CLINT1: variants seen among roughly 807,000 people sequenced by gnomAD.
CLINT1 encodes clathrin interacting protein localized in the trans-Golgi region.
CLINT1 carries 15 observed loss-of-function variants against 70.4 expected under a neutral mutation model. The ratio of observed to expected loss-of-function variants is 0.21; its 90% confidence interval spans 0.14 to 0.33. CLINT1 has a LOEUF of 0.33. Among genes scored for constraint, CLINT1 ranks in the 10% least tolerant of loss-of-function variants. The pLI, the probability that CLINT1 is intolerant of heterozygous loss-of-function variation, is 1.00. For synonymous variants in CLINT1, 227 were observed against 254.7 expected (o/e 0.89, Z 1.04); for missense variants, 615 against 778.1 (o/e 0.79, Z 2.49).
intron 9 of CLINT1, among the ~76,000 whole-genome samples, 177 bp downstream of exon 9, chr5:157,794,721 T>C (rs1762016441): frequency 6.6e-6 from 1 of 152,232 alleles, no homozygotes; most frequent in South Asian, 2.1e-4. Context: ...CCAAAATAAT[T>C]CATTTGGCAC....
Position 157,858,992 on chromosome 5 carries a change from C to T in CLINT1, c.-22G>A, listed in dbSNP as rs763083573. ...ACATCGTGCCCCGCGCGGGACGGTC[C>T]GCCGCCTCCCTCTCCTGCTCCCCAC... On this transcript the variant is annotated 5_prime_UTR_variant, in exon 1 of 12. Transcript: ENST00000411809. 1 of 1,610,250 alleles carries T rather than the reference C, an allele frequency of 6.2e-7. No individual in the cohort carries two copies. Among genetic ancestry groups the T allele is most frequent in the African/African-American group, 1.3e-5 (1 of 74,748 alleles).
intron 9 of CLINT1, among the ~76,000 whole-genome samples, chr5:157,793,361 T>C (rs575480289): frequency 1.3e-3 from 199 of 152,272 alleles, no homozygotes; most frequent in Non-Finnish European, 2.3e-3. Flanking sequence ...GAATGGAAAC[T>C]GGGGCAAAAT....
intron 10 of CLINT1, chr5:157,790,026 C>A (rs1489461823): frequency 2.9e-4 from 48 of 167,660 alleles, no homozygotes; most frequent in Non-Finnish European, 1.3e-4. Context: ...CAGGATGAAA[C>A]CCCATCTCTA....
intron 10 of CLINT1, chr5:157,790,162 C>T (rs755037804): frequency 2.5e-5 from 4 of 161,224 alleles, no homozygotes; most frequent in Admixed American, 1.8e-4. Context: ...GATCGTGCCA[C>T]TGCACTCCAG....
chr5:157,858,391 T>C (rs1159987209), intron 1 of CLINT1, among the ~76,000 whole-genome samples: 1 of 152,218 alleles, frequency 6.6e-6, no homozygotes, highest in Non-Finnish European at 1.5e-5. Flanking sequence ...TAGCCACTTG[T>C]TACACTACTA....
At chr5:157,821,442 T>G (rs1330416971) in intron 1 of CLINT1, among the ~76,000 whole-genome samples, 1 of 152,216 alleles carries the variant, frequency 6.6e-6, no homozygotes, top group East Asian at 1.9e-4. Context: ...AATGCTGCTG[T>G]TTCACAAGAG....
chr5:157,857,976 G>T (rs902777503), intron 1 of CLINT1, among the ~76,000 whole-genome samples: 1 of 152,222 alleles, frequency 6.6e-6, no homozygotes, highest in Non-Finnish European at 1.5e-5. Context: ...CCCAAAGGAA[G>T]AGGACTGCTT....
rs557653816 is a variant in CLINT1 at position 157,851,291 on chromosome 5, AATG to A, written c.41+7636_41+7638del. Among the ~76,000 whole-genome samples, 791 of 152,342 alleles carry A rather than the reference AATG, an allele frequency of 5.2e-3. 9 individuals are homozygous for A. The highest frequency in any genetic ancestry group is 0.017 in the African/African-American group (720 of 41,576). ...AAGCACGCATGTACGTTTACCACAT[AATG>A]ATGAGTGTGTGCAAAATTATAAAAG... On this transcript the variant is annotated intron_variant, in intron 1 of 11. Coordinates refer to ENST00000411809, the MANE Select transcript of CLINT1 (RefSeq NM_014666.4).
At chr5:157,830,022 G>C (rs532570979) in intron 1 of CLINT1, among the ~76,000 whole-genome samples, 1 of 147,726 alleles carries the variant, frequency 6.8e-6, no homozygotes, top group Admixed American at 6.6e-5. Flanking sequence ...GATGATGCCT[G>C]ACTACAGTCT....
intron 1 of CLINT1, among the ~76,000 whole-genome samples, chr5:157,840,633 T>C (rs1000024134): frequency 1.4e-4 from 21 of 151,262 alleles, no homozygotes; most frequent in African/African-American, 4.9e-4. Context: ...GGAGGGCGAA[T>C]GACAAGCAAA....
chr5:157,797,993 T>C (rs1762113526), intron 8 of CLINT1, among the ~76,000 whole-genome samples: 1 of 152,244 alleles, frequency 6.6e-6, no homozygotes, highest in Non-Finnish European at 1.5e-5. Context: ...CAAATAGAAG[T>C]TGTCTTTCTC....
chr5:157,850,796 TA>T (rs1170806685), intron 1 of CLINT1, among the ~76,000 whole-genome samples: 5 of 151,966 alleles, frequency 3.3e-5, no homozygotes, highest in African/African-American at 9.7e-5. Flanking sequence ...TTTTTAATAT[TA>T]AAAAAAATTT....
chr5:157,805,734 T>C (rs1561644788), intron 7 of CLINT1, 132 bp downstream of exon 7: 4 of 1,107,634 alleles, frequency 3.6e-6, no homozygotes, highest in Middle Eastern at 2.3e-4. Flanking sequence ...TAATGTCTCT[T>C]GGTAATACAT....
chr5:157,802,749 T>G (rs942147440), intron 8 of CLINT1, among the ~76,000 whole-genome samples: 5 of 152,148 alleles, frequency 3.3e-5, no homozygotes, highest in African/African-American at 9.7e-5. Context: ...TATCACCATG[T>G]TGGCCAGGCT....
At chr5:157,812,256 G>A (rs1018034319) in intron 5 of CLINT1, among the ~76,000 whole-genome samples, 5 of 152,130 alleles carry the variant, frequency 3.3e-5, no homozygotes, top group Non-Finnish European at 5.9e-5. Flanking sequence ...ACATATATGG[G>A]TGGGGGGAGC....
intron 10 of CLINT1, chr5:157,789,833 T>TG (rs1441238452): frequency 6.9e-6 from 3 of 437,364 alleles, no homozygotes; most frequent in Admixed American, 3.8e-5. Context: ...CCCTGGCAAA[T>TG]GCCCAGGGGA....
At chr5:157,790,588 T>C (rs924958574) in intron 10 of CLINT1, 31 of 453,352 alleles carry the variant, frequency 6.8e-5, no homozygotes, top group Non-Finnish European at 1.2e-4. Context: ...TTCTGTTACA[T>C]AGAGCAGTCA....
At chr5:157,831,629 T>C (rs1432768272) in intron 1 of CLINT1, among the ~76,000 whole-genome samples, 2 of 152,010 alleles carry the variant, frequency 1.3e-5, no homozygotes, top group Non-Finnish European at 2.9e-5. Context: ...CAATTAAATA[T>C]GTATAGGATA....
chr5:157,857,766 TG>T (rs1753804714), intron 1 of CLINT1, among the ~76,000 whole-genome samples: 1 of 152,232 alleles, frequency 6.6e-6, no homozygotes, highest in South Asian at 2.1e-4. Context: ...GGCACTCTAT[TG>T]CCTTCTTGGT....
Sources: gnomAD v4.1 joint callset for allele counts (sites outside exome capture counted in the v4.1 genomes callset) on GRCh38, gnomAD v4.1.1 for gene constraint, MANE v1.5 for transcripts, NCBI Gene and HGNC (gene_info 2026-07-23, HGNC 2026-07-21) for gene names.